Variants in PLCG1 observed in about 807,000 individuals in gnomAD.
The protein encoded by PLCG1 is phospholipase C gamma 1, also known as 1-phosphatidylinositol 4,5-bisphosphate phosphodiesterase gamma-1.
A neutral mutation model predicts 177.8 loss-of-function variants in PLCG1; 71 were observed. The observed-to-expected ratio is 0.40, with a 90% confidence interval of 0.33 to 0.49. PLCG1 has a LOEUF of 0.49. Ranked by LOEUF, PLCG1 falls within the 20% of genes least tolerant of loss-of-function variation. The probability of loss-of-function intolerance (pLI) is 0.72; values close to 1 mark genes in which losing one functional copy is unlikely to be tolerated. For missense variants in PLCG1, 1,281 were observed against 1,709.0 expected (o/e 0.75, Z 4.42); for synonymous variants, 658 against 647.9 (o/e 1.02, Z -0.24).
Position 41,157,590 on chromosome 20 carries a change from A to T in PLCG1, c.218-2016A>T, listed in dbSNP as rs1288485321. Among the ~76,000 whole-genome samples, 2 of 152,154 alleles carry T rather than the reference A, an allele frequency of 1.3e-5. No homozygotes were observed. Among genetic ancestry groups the T allele is most frequent in the Non-Finnish European group, 2.9e-5 (2 of 68,040 alleles). On this transcript the variant is annotated intron_variant, in intron 1 of 31. Transcript: ENST00000685551. This position sits in a 1 kb window ranked among gnomAD's most constrained non-coding sequence, Gnocchi z 5.4. ...GGAGGGGCCCTGCCTGGCCTTAGGT[A>T]TGTGAGCATGTATGTACGTGTTTGT... is the stretch of plus-strand genomic sequence containing the variant.
In PLCG1 at chr20:41,163,330, TC is replaced by T; in HGVS notation, c.790-45del. 1 of 1,600,352 alleles carries T rather than the reference TC, an allele frequency of 6.2e-7. No individual in the cohort carries two copies. The highest frequency in any genetic ancestry group is 8.6e-7 in the Non-Finnish European group (1 of 1,168,828). ...GGTAGGTTGTGGGGGGCTGGGCTCA[TC>T]CCTGACTGGAGGCTTCTCTCATCCC... is the stretch of plus-strand genomic sequence containing the variant. On this transcript the variant is annotated intron_variant, in intron 8 of 31. Transcript: ENST00000685551. This position sits in a 1 kb window ranked among gnomAD's most constrained non-coding sequence, Gnocchi z 5.2.
In PLCG1 at chr20:41,172,300, G is replaced by T. The variant is rs1406301451; in HGVS notation, c.2905+11G>T. 1.2e-6 allele frequency: 2 copies of T among 1,607,352 alleles called. No homozygotes were observed. The highest frequency in any genetic ancestry group is 3.3e-5 in the Admixed American group (2 of 60,036). On this transcript the variant is annotated intron_variant, in intron 25 of 31. Coordinates refer to ENST00000685551, the MANE Select transcript of PLCG1 (RefSeq NM_002660.3). This position sits in a 1 kb window ranked among gnomAD's most constrained non-coding sequence, Gnocchi z 7.0. Reference sequence around the variant, plus strand: ...CCTTTGATGAAGAGAGTAAGGGCCAGGGCCCAGGCGGGGTGTGCATGTGCC... The same window carrying T: ...CCTTTGATGAAGAGAGTAAGGGCCATGGCCCAGGCGGGGTGTGCATGTGCC...
chr20:41,142,596 G>C (rs1359184340), intron 1 of PLCG1, among the ~76,000 whole-genome samples: 1 of 152,184 alleles, frequency 6.6e-6, no homozygotes, highest in African/African-American at 2.4e-5. Flanking sequence ...GCTGGGTCTT[G>C]AGGGGTGAGA....
chr20:41,170,228 G>T lies in PLCG1; in HGVS notation c.2767G>T (p.Val923Leu), dbSNP rs1320033776. Residue 923 changes from valine to leucine, a missense_variant, in exon 24 of 32, where the codon GTG becomes TTG. By Grantham distance (32) the Val-to-Leu change is conservative. This residue lies in a region of PLCG1 where 723 missense variants were observed against 1,030.0 expected (regional missense o/e 0.70). Coordinates refer to ENST00000685551, the MANE Select transcript of PLCG1 (RefSeq NM_002660.3). ...CTCACAGGAGGAGCTGCAGGACTGG[G>T]TGAAAAAGATCCGTGAAGTGGCCCA... ...ADSQEELQDW[V>L]KKIREVAQTA... is the part of the protein sequence containing the mutation. 6.2e-7 allele frequency: 1 copy of T among 1,613,994 alleles called. No individual in the cohort carries two copies. The highest frequency in any genetic ancestry group is 1.7e-5 in the Admixed American group (1 of 60,004).
In PLCG1 at chr20:41,167,743, GT is replaced by G; in HGVS notation, c.2302-108del. ...AGGTCGAAGGATCCCTGTGGATCAG[GT>G]GCAAGTTTGCTGCACTGGGGGAAAG... is the stretch of plus-strand genomic sequence containing the variant. On this transcript the variant is annotated intron_variant, in intron 19 of 31. Transcript: ENST00000685551. The surrounding 1 kb of genome is among the most constrained non-coding windows in gnomAD (Gnocchi z 4.4). The G allele has an allele frequency of 3.9e-6, 3 of 761,468 alleles. No homozygotes were observed. The highest frequency in any genetic ancestry group is 7.0e-6 in the Non-Finnish European group (3 of 429,500). The allele number at this position is 761,468 out of a possible 1,614,324, so 47.2% of individuals were successfully genotyped here.
In PLCG1 at chr20:41,157,864, G is replaced by A. The variant is rs550985134; in HGVS notation, c.218-1742G>A. 1.3e-5 allele frequency among the ~76,000 whole-genome samples: 2 copies of A among 152,192 alleles called. No individual in the cohort carries two copies. Among genetic ancestry groups the A allele is most frequent in the South Asian group, 2.1e-4 (1 of 4,830 alleles). On this transcript the variant is annotated intron_variant, in intron 1 of 31. Coordinates refer to ENST00000685551, the MANE Select transcript of PLCG1 (RefSeq NM_002660.3). This position sits in a 1 kb window ranked among gnomAD's most constrained non-coding sequence, Gnocchi z 5.4. ...ACAAAGAGCCTTCAAGGCCATAGAA[G>A]GTGTTTGTTGTTTGTTCTCCTTAGA...
At chr20:41,140,809 GT>G (rs1380935510) in intron 1 of PLCG1, among the ~76,000 whole-genome samples, 2 of 152,216 alleles carry the variant, frequency 1.3e-5, no homozygotes, top group Admixed American at 1.3e-4. Flanking sequence ...TTCCAGCTGA[GT>G]GCTATTGAGA....
Position 41,160,183 on chromosome 20 carries a change from C to T in PLCG1, c.512+30C>T. 1 of 1,607,640 alleles carries T rather than the reference C, an allele frequency of 6.2e-7. No homozygotes were observed. Among genetic ancestry groups the T allele is most frequent in the Non-Finnish European group, 8.5e-7 (1 of 1,174,392 alleles). The stretch of plus-strand genomic sequence containing the variant: ...GTACTGAGCTGTGGCTGTAGCCCAG[C>T]AGGGTGGGGATGGGCATCCAGAACC... On this transcript the variant is annotated intron_variant, in intron 4 of 31. Transcript: ENST00000685551. The surrounding 1 kb of genome is among the most constrained non-coding windows in gnomAD (Gnocchi z 5.5).
rs34283671 is a variant in PLCG1 at position 41,159,691 on chromosome 20, G to A, written c.303G>A (p.Pro101=). Residue 101 remains proline, a synonymous_variant, in exon 2 of 32, where the codon CCG becomes CCA. Transcript: ENST00000685551. The surrounding 1 kb of genome is among the most constrained non-coding windows in gnomAD (Gnocchi z 6.0). ...DRYQEDPAFR[P]DQSHCFVILY... ...ATCAAGAGGACCCAGCTTTCCGGCC[G>A]GACCAGTCACATTGCTTTGTCATTC... 48 of 1,614,210 alleles carry A rather than the reference G, an allele frequency of 3.0e-5. No homozygotes were observed. Among genetic ancestry groups the A allele is most frequent in the Non-Finnish European group, 3.8e-5 (45 of 1,180,038 alleles).
rs1273428177 is a variant in PLCG1 at position 41,167,722 on chromosome 20, C to T, written c.2302-130C>T. 8.8e-6 allele frequency: 6 copies of T among 685,088 alleles called. No homozygotes were observed. The highest frequency in any genetic ancestry group is 5.3e-5 in the African/African-American group (3 of 56,370). 42.4% of individuals were successfully genotyped at this position (685,088 alleles called of 1,614,324 possible). On this transcript the variant is annotated intron_variant, in intron 19 of 31. Coordinates refer to ENST00000685551, the MANE Select transcript of PLCG1 (RefSeq NM_002660.3). The surrounding 1 kb of genome is among the most constrained non-coding windows in gnomAD (Gnocchi z 4.4). ...CCTCTGAAGCCGTCTCTACTGAGGT[C>T]GAAGGATCCCTGTGGATCAGGTGCA... is the stretch of plus-strand genomic sequence containing the variant.
chr20:41,172,797 A>G lies in PLCG1; in HGVS notation c.3199A>G (p.Ser1067Gly). 1.2e-6 allele frequency: 2 copies of G among 1,614,214 alleles called. No homozygotes were observed. The highest frequency in any genetic ancestry group is 1.7e-6 in the Non-Finnish European group (2 of 1,180,044). Residue 1067 changes from serine to glycine, a missense_variant, in exon 27 of 32, where the codon AGC (serine) becomes GGC (glycine). By Grantham distance (56) the Ser-to-Gly change is moderately conservative (BLOSUM62 0). Coordinates refer to ENST00000685551, the MANE Select transcript of PLCG1 (RefSeq NM_002660.3). This position sits in a 1 kb window ranked among gnomAD's most constrained non-coding sequence, Gnocchi z 7.0. ...GCACTGTGGCTACGTGCTGCAGCCA[A>G]GCACCATGCGGGATGAGGCCTTCGA... ...GRHCGYVLQPSTMRDEAFDPF... is the reference protein window; with the variant it reads ...GRHCGYVLQPGTMRDEAFDPF...
chr20:41,152,838 G>A (rs531445386), intron 1 of PLCG1, among the ~76,000 whole-genome samples: 1 of 152,390 alleles, frequency 6.6e-6, no homozygotes, highest in African/African-American at 2.4e-5. Flanking sequence ...GGCACCTAGT[G>A]TGCCCCTGGC....
In PLCG1 at chr20:41,163,644, C is replaced by A; in HGVS notation, c.892-71C>A. On this transcript the variant is annotated intron_variant, in intron 9 of 31. Transcript: ENST00000685551. The surrounding 1 kb of genome is among the most constrained non-coding windows in gnomAD (Gnocchi z 5.2). ...GGGACAGAGCACTCTCTCTCCTACC[C>A]CCAACCTACCATCTTGGGTTGGACA... 2 of 1,184,720 alleles carry A rather than the reference C, an allele frequency of 1.7e-6. No individual in the cohort carries two copies. The highest frequency in any genetic ancestry group is 2.5e-6 in the Non-Finnish European group (2 of 791,498). 73.4% of individuals were successfully genotyped at this position (1,184,720 alleles called of 1,614,324 possible). A position where few individuals can be genotyped will look rare whatever the true frequency, so the allele number is the denominator to read the frequency against.
intron 24 of PLCG1, 112 bp downstream of exon 24, chr20:41,170,381 TG>T: frequency 9.0e-7 from 1 of 1,109,982 alleles, no homozygotes; most frequent in Non-Finnish European, 1.3e-6. Context: ...CGATGGCCTA[TG>T]CTAGATAGGC....
rs1453751404 is a variant in PLCG1 at position 41,167,869 on chromosome 20, C to G, written c.2319C>G (p.Ala773=). Reference sequence around the variant, plus strand: ...GTTTCCAGGAGCCTGACTACGGGGCCCTGTATGAGGGACGCAACCCTGGCT... The same window carrying G: ...GTTTCCAGGAGCCTGACTACGGGGCGCTGTATGAGGGACGCAACCCTGGCT... The part of the protein sequence containing the change: ...KIGTAEPDYG[A]LYEGRNPGFY... Residue 773 remains alanine (A), a synonymous_variant, in exon 20 of 32, where the codon GCC becomes GCG. Transcript: ENST00000685551. The surrounding 1 kb of genome is among the most constrained non-coding windows in gnomAD (Gnocchi z 4.4). 1 of 1,613,466 alleles carries G rather than the reference C, an allele frequency of 6.2e-7. No individual in the cohort carries two copies. Among genetic ancestry groups the G allele is most frequent in the Non-Finnish European group, 8.5e-7 (1 of 1,179,540 alleles).
Position 41,144,387 on chromosome 20 carries a change from A to G in PLCG1, c.217+6529A>G, listed in dbSNP as rs144160954. Among the ~76,000 whole-genome samples, 4 of 152,350 alleles carry G rather than the reference A, an allele frequency of 2.6e-5. No homozygotes were observed. The highest frequency in any genetic ancestry group is 7.2e-5 in the African/African-American group (3 of 41,578). ...TCCCTCTGGCCACATGTGTTTGACC[A>G]GCCTAGACTTCCATCTGTGGACAAG... On this transcript the variant is annotated intron_variant, in intron 1 of 31. Coordinates refer to ENST00000685551, the MANE Select transcript of PLCG1 (RefSeq NM_002660.3). This position sits in a 1 kb window ranked among gnomAD's most constrained non-coding sequence, Gnocchi z 4.1.
rs150104210 is a variant in PLCG1 at position 41,173,734 on chromosome 20, C to A, written c.3477C>A (p.Phe1159Leu). 4 of 1,614,018 alleles carry A rather than the reference C, an allele frequency of 2.5e-6. No individual in the cohort carries two copies. The highest frequency in any genetic ancestry group is 1.7e-6 in the Non-Finnish European group (2 of 1,180,008). The change falls in exon 29 of 32, where the codon TTC becomes TTA. Residue 1159 changes from phenylalanine to leucine, a missense_variant. Coordinates refer to ENST00000685551, the MANE Select transcript of PLCG1 (RefSeq NM_002660.3). The surrounding 1 kb of genome is among the most constrained non-coding windows in gnomAD (Gnocchi z 6.2). ...ISNPEFAFLR[F>L]VVYEEDMFSD... ...ACCCTGAATTTGCCTTTCTGCGCTT[C>A]GTGGTGTATGAGGAAGACATGTTTA...
Position 41,159,757 on chromosome 20 carries a change from A to G in PLCG1, c.369A>G (p.Gln123=). The change falls in exon 2 of 32, where the codon CAA becomes CAG. Residue 123 remains glutamine, a splice_region_variant and synonymous_variant. Coordinates refer to ENST00000685551, the MANE Select transcript of PLCG1 (RefSeq NM_002660.3). The surrounding 1 kb of genome is among the most constrained non-coding windows in gnomAD (Gnocchi z 6.0). ...TTCGCCTGAAAACGCTGAGCCTGCA[A>G]GGTGGGAGTTAAGGGGGTAGAGGAG... The part of the protein sequence containing the change: ...MEFRLKTLSL[Q]ATSEDEVNMW... 1 of 1,614,202 alleles carries G rather than the reference A, an allele frequency of 6.2e-7. No homozygotes were observed. Among genetic ancestry groups the G allele is most frequent in the Non-Finnish European group, 8.5e-7 (1 of 1,180,030 alleles).
chr20:41,174,858 C>T lies in PLCG1; in HGVS notation c.*349C>T, dbSNP rs889304670. 3.6e-6 allele frequency: 1 copy of T among 279,300 alleles called. No homozygotes were observed. Among genetic ancestry groups the T allele is most frequent in the South Asian group, 4.7e-5 (1 of 21,258 alleles). 17.3% of individuals were successfully genotyped at this position (279,300 alleles called of 1,614,324 possible). On this transcript the variant is annotated 3_prime_UTR_variant, in exon 32 of 32. Coordinates refer to ENST00000685551, the MANE Select transcript of PLCG1 (RefSeq NM_002660.3). This position sits in a 1 kb window ranked among gnomAD's most constrained non-coding sequence, Gnocchi z 5.8. ...CTGCCTCAGCCAGTGGCACAGGAGA[C>T]TCCAAGGAGCTACTGACATTCCTAA...
Sources: allele counts gnomAD v4.1 joint callset (sites outside exome capture counted in the v4.1 genomes callset), GRCh38; gene constraint gnomAD v4.1.1; regional missense constraint gnomAD v4.1.1; non-coding constraint Gnocchi (gnomAD v3.1); transcripts MANE v1.5; gene names NCBI Gene and HGNC (gene_info 2026-07-23, HGNC 2026-07-21).